Variants in SDCCAG8 observed in about 807,000 individuals in gnomAD.
The protein encoded by SDCCAG8 is SHH signaling and ciliogenesis regulator SDCCAG8.
Under a neutral mutation model 101.8 loss-of-function variants are expected in SDCCAG8, and 74 were observed. The observed-to-expected ratio is 0.73, with a 90% confidence interval of 0.60 to 0.88. The LOEUF is 0.88. Among genes scored for constraint, SDCCAG8 ranks in the 40% least tolerant of loss-of-function variants. The pLI, the probability that SDCCAG8 is intolerant of heterozygous loss-of-function variation, is 0.00. For missense variants in SDCCAG8, 787 were observed against 822.6 expected (o/e 0.96, Z 0.53); for synonymous variants, 281 against 292.9 (o/e 0.96, Z 0.41).
intron 5 of SDCCAG8, among the ~76,000 whole-genome samples, chr1:243,291,362 G>A (rs1304260628): frequency 6.6e-6 from 1 of 152,206 alleles, no homozygotes; most frequent in Non-Finnish European, 1.5e-5. Flanking sequence ...GATAAATTTT[G>A]AGCCAGTGTT....
chr1:243,391,437 A>C (rs868124169), intron 13 of SDCCAG8, among the ~76,000 whole-genome samples: 13 of 152,170 alleles, frequency 8.5e-5, no homozygotes, highest in Admixed American at 2.6e-4. Context: ...TAGGCACCAA[A>C]CAGGTCAGAA....
chr1:243,444,354 T>G (rs536095299), intron 16 of SDCCAG8, among the ~76,000 whole-genome samples: 1 of 152,054 alleles, frequency 6.6e-6, no homozygotes, highest in African/African-American at 2.4e-5. Context: ...GGCACTAAAG[T>G]TTTTTTGTTT....
chr1:243,419,533 A>G (rs2080842055), intron 15 of SDCCAG8, among the ~76,000 whole-genome samples: 1 of 152,212 alleles, frequency 6.6e-6, no homozygotes, highest in Admixed American at 6.5e-5. Flanking sequence ...AGACCTAATT[A>G]GGGAAATTTA....
intron 4 of SDCCAG8, among the ~76,000 whole-genome samples, chr1:243,282,485 T>C (rs2069153581): frequency 6.6e-6 from 1 of 152,204 alleles, no homozygotes; most frequent in South Asian, 2.1e-4. Context: ...TTATCTTATA[T>C]CCACTTATTC....
At chr1:243,286,432 G>T in intron 5 of SDCCAG8, 35 bp downstream of exon 5, 1 of 1,610,642 alleles carries the variant, frequency 6.2e-7, no homozygotes, top group African/African-American at 1.3e-5. Context: ...TTTTATTTTA[G>T]TGTGAATATT....
intron 1 of SDCCAG8, chr1:243,269,146 C>T (rs1053080661): frequency 4.6e-5 from 7 of 152,396 alleles, no homozygotes; most frequent in African/African-American, 1.7e-4. Flanking sequence ...GCAAACATTC[C>T]AAGAGGAAGC....
chr1:243,494,633 C>A (rs73120374), intron 17 of SDCCAG8, among the ~76,000 whole-genome samples: 3 of 152,206 alleles, frequency 2.0e-5, no homozygotes, highest in African/African-American at 7.2e-5. Flanking sequence ...ACTTGCTCTT[C>A]CGTTAACAGT....
In SDCCAG8 at chr1:243,341,143, G is replaced by T; in HGVS notation, c.1326G>T (p.Gln442His). ...ATCAACTGGAGGAAATTCAAAGCCA[G>T]CTGGCTTCTCGGGAAATGGATGTCA... Reference protein sequence around the residue: ...AINQLEEIQSQLASREMDVTK... With the variant: ...AINQLEEIQSHLASREMDVTK... The change falls in exon 11 of 18, where the codon CAG (glutamine) becomes CAT (histidine). Residue 442 changes from glutamine to histidine, a missense_variant. By Grantham distance (24) the Gln-to-His change is conservative. Transcript: ENST00000366541. 3 of 1,614,102 alleles carry T rather than the reference G, an allele frequency of 1.9e-6. No homozygotes were observed. The highest frequency in any genetic ancestry group is 1.1e-5 in the South Asian group (1 of 91,086).
At chr1:243,435,919 T>A (rs2082098617) in intron 16 of SDCCAG8, among the ~76,000 whole-genome samples, 1 of 152,058 alleles carries the variant, frequency 6.6e-6, no homozygotes, top group African/African-American at 2.4e-5. Flanking sequence ...ACAGCAAAAT[T>A]GAAAGGAAGG....
intron 17 of SDCCAG8, 113 bp from the exon 18 acceptor site, chr1:243,499,643 T>C (rs961620236): frequency 1.4e-5 from 12 of 875,514 alleles, no homozygotes; most frequent in Admixed American, 7.8e-5. Flanking sequence ...GCAACAGGTT[T>C]TTTTCTCCAA....
chr1:243,370,130 T>C (rs764719184), intron 12 of SDCCAG8, among the ~76,000 whole-genome samples: 1 of 152,106 alleles, frequency 6.6e-6, no homozygotes, highest in Non-Finnish European at 1.5e-5. Context: ...TCCAGGGCTA[T>C]CTTAATGTTC....
chr1:243,293,122 G>T lies in SDCCAG8; in HGVS notation c.578G>T (p.Gly193Val), dbSNP rs750128305. 4 of 1,614,118 alleles carry T rather than the reference G, an allele frequency of 2.5e-6. No homozygotes were observed. The Admixed American group carries it at 5.0e-5, about 20-fold the overall frequency. The change falls in exon 6 of 18, where the codon GGT becomes GTT. Residue 193 changes from glycine to valine, a missense_variant. Physicochemically the swap from Gly to Val is moderately radical, Grantham distance 109 (BLOSUM62 -3). Transcript: ENST00000366541. ...ATGCACAATTCTTGGATTACAACAG[G>T]TGAAGATTCTGGGGTGGGCGAAACC... is the stretch of plus-strand genomic sequence containing the variant. Reference protein sequence around the residue: ...GNMHNSWITTGEDSGVGETSK... With the variant: ...GNMHNSWITTVEDSGVGETSK...
At position 243,316,777 on chromosome 1, in the gene SDCCAG8, G is replaced by C. The variant is rs2073277628; in HGVS notation, c.952G>C (p.Ala318Pro). ...CAGAGAAAGAGATGACTTGATGTCT[G>C]CACTAGTTTCCGTAAGGAGCAGCTT... is the stretch of plus-strand genomic sequence containing the variant. ...LVKERDDLMS[A>P]LVSVRSSLAD... The change falls in exon 9 of 18, where the codon GCA (alanine) becomes CCA (proline). Residue 318 changes from alanine (A) to proline (P), a missense_variant. By Grantham distance (27) the Ala-to-Pro change is conservative. Coordinates refer to ENST00000366541, the MANE Select transcript of SDCCAG8 (RefSeq NM_006642.5). 6.2e-7 allele frequency: 1 copy of C among 1,614,194 alleles called. No individual in the cohort carries two copies. Among genetic ancestry groups the C allele is most frequent in the Non-Finnish European group, 8.5e-7 (1 of 1,180,034 alleles).
chr1:243,307,418 A>G (rs2072259688), intron 7 of SDCCAG8: 20 of 982,970 alleles, frequency 2.0e-5, no homozygotes, highest in Non-Finnish European at 2.1e-5. Flanking sequence ...TCTTTGTAGA[A>G]GTTTGTCGTT....
intron 16 of SDCCAG8, among the ~76,000 whole-genome samples, chr1:243,478,056 C>T (rs537641480): frequency 1.3e-5 from 2 of 152,320 alleles, no homozygotes; most frequent in South Asian, 2.1e-4. Flanking sequence ...TCACTGAGCT[C>T]ATTGGGGAAT....
intron 6 of SDCCAG8, among the ~76,000 whole-genome samples, chr1:243,296,572 T>C (rs1396895039): frequency 1.0e-4 from 11 of 106,074 alleles, no homozygotes; most frequent in Non-Finnish European, 2.0e-4. Context: ...AGACGGAGTC[T>C]CGTTCTGTCG....
At chr1:243,257,304 C>A (rs1300400407) in intron 1 of SDCCAG8, among the ~76,000 whole-genome samples, 2 of 151,920 alleles carry the variant, frequency 1.3e-5, no homozygotes, top group Non-Finnish European at 2.9e-5. Flanking sequence ...TGACTGTTTG[C>A]GACATTGAGA....
chr1:243,301,369 C>G (rs1434960750), intron 6 of SDCCAG8, among the ~76,000 whole-genome samples: 1 of 152,056 alleles, frequency 6.6e-6, no homozygotes, highest in Non-Finnish European at 1.5e-5. Context: ...TTCTCGTGTA[C>G]TTTTCATCAT....
chr1:243,489,071 C>T lies in SDCCAG8; in HGVS notation c.2043C>T (p.Leu681=), dbSNP rs1460577420. ...CAGCCCAGCAGCTGGTGCAGCTCCT[C>T]AGCAAGCAGAACCAGCTTCTCCTGG... ...QATAQQLVQL[L]SKQNQLLLER... is the part of the protein sequence containing the mutation. The change falls in exon 17 of 18, where the codon CTC becomes CTT. Residue 681 remains leucine (L), a synonymous_variant. Transcript: ENST00000366541. 1.2e-6 allele frequency: 2 copies of T among 1,613,404 alleles called. No homozygotes were observed. Among genetic ancestry groups the T allele is most frequent in the South Asian group, 2.2e-5 (2 of 91,066 alleles).
Sources: allele counts gnomAD v4.1 joint callset (sites outside exome capture counted in the v4.1 genomes callset), GRCh38; gene constraint gnomAD v4.1.1; transcripts MANE v1.5; gene names NCBI Gene and HGNC (gene_info 2026-07-23, HGNC 2026-07-21).